Variants in HMGCS1 observed in about 807,000 individuals in gnomAD.
HMGCS1 encodes hydroxymethylglutaryl-CoA synthase, cytoplasmic.
A neutral mutation model predicts 52.3 loss-of-function variants in HMGCS1; 9 were observed. That is an observed-to-expected ratio of 0.17 (90% confidence interval 0.10 to 0.30). The LOEUF is 0.30. Among genes scored for constraint, HMGCS1 ranks in the 10% least tolerant of loss-of-function variants. HMGCS1 has a pLI of 1.00. For missense variants in HMGCS1, 320 were observed against 620.9 expected (o/e 0.52, Z 5.15); for synonymous variants, 176 against 214.4 (o/e 0.82, Z 1.57).
chr5:43,301,691 GA>G (rs1197036788), intron 2 of HMGCS1, among the ~76,000 whole-genome samples: 1 of 152,224 alleles, frequency 6.6e-6, no homozygotes, highest in African/African-American at 2.4e-5. Context: ...CTGGTGCTGT[GA>G]ATGGATGAGT....
intron 2 of HMGCS1, among the ~76,000 whole-genome samples, chr5:43,305,055 C>T (rs927604906): frequency 3.3e-5 from 5 of 151,160 alleles, no homozygotes; most frequent in Admixed American, 2.6e-4. Flanking sequence ...GGTGTGATCT[C>T]GGCTCACTGC....
At position 43,298,972 on chromosome 5, in the gene HMGCS1, A is replaced by G; in HGVS notation, c.-7T>C. On this transcript the variant is annotated 5_prime_UTR_variant, in exon 3 of 11. Transcript: ENST00000325110. The surrounding 1 kb of genome is among the most constrained non-coding windows in gnomAD (Gnocchi z 5.6). ...AAGGAAGTGATCCAGGCATGGTGAA[A>G]GAGCTTTAGAAAGGAGAAACAGAAA... 6.3e-7 allele frequency: 1 copy of G among 1,596,220 alleles called. No individual in the cohort carries two copies. Among genetic ancestry groups the G allele is most frequent in the Non-Finnish European group, 8.5e-7 (1 of 1,172,816 alleles).
In HMGCS1 at chr5:43,287,729, G is replaced by T. The variant is rs1324465262; in HGVS notation, c.*3402C>A. On this transcript the variant is annotated 3_prime_UTR_variant, in exon 11 of 11. Coordinates refer to ENST00000325110, the MANE Select transcript of HMGCS1 (RefSeq NM_001098272.3). ...GGCACCTAACTCCCCTGCACCTTTG[G>T]GCTGTGCAATTGGGAGTACCAAACA... 1 of 152,176 alleles carries T rather than the reference G, an allele frequency of 6.6e-6. No homozygotes were observed. The highest frequency in any genetic ancestry group is 1.5e-5 in the Non-Finnish European group (1 of 68,058). 9.4% of individuals were successfully genotyped at this position (152,176 alleles called of 1,614,324 possible).
At chr5:43,293,122 A>G in intron 8 of HMGCS1, 149 bp from the exon 9 acceptor site, 1 of 632,292 alleles carries the variant, frequency 1.6e-6, no homozygotes. Flanking sequence ...ATAAGATGAT[A>G]CCTATTTGAC....
At position 43,308,937 on chromosome 5, in the gene HMGCS1, AAAG is replaced by A. The variant is rs1186399935; in HGVS notation, c.-69-1116_-69-1114del. Among the ~76,000 whole-genome samples the A allele has an allele frequency of 2.6e-5, 4 of 152,290 alleles. 1 individual carries two copies. In the East Asian group the frequency reaches 5.8e-4, roughly 22 times the overall value. ...GAAATAGATCTTGAGTTTTGTAGGC[AAAG>A]AATACTACAATATTCCAAAAATGTC... On this transcript the variant is annotated intron_variant, in intron 1 of 10. Transcript: ENST00000325110.
chr5:43,298,284 G>T lies in HMGCS1; in HGVS notation c.449-150C>A. The T allele has an allele frequency of 1.3e-6, 1 of 752,320 alleles. No homozygotes were observed. The highest frequency in any genetic ancestry group is 2.1e-6 in the Non-Finnish European group (1 of 480,662). The allele number at this position is 752,320 out of a possible 1,614,324, so 46.6% of individuals were successfully genotyped here. On this transcript the variant is annotated intron_variant, in intron 3 of 10. Transcript: ENST00000325110. This position sits in a 1 kb window ranked among gnomAD's most constrained non-coding sequence, Gnocchi z 5.6. ...TCTAATTTTTTTTTAAAATTCATCT[G>T]CCAAGGCTCTGTCATCCATCTGACT... is the stretch of plus-strand genomic sequence containing the variant.
intron 5 of HMGCS1, 67 bp downstream of exon 5, chr5:43,296,935 A>G: frequency 8.0e-7 from 1 of 1,245,162 alleles, no homozygotes; most frequent in Non-Finnish European, 1.1e-6. Context: ...GTTGCCTACC[A>G]AAGATACCTA....
chr5:43,311,350 C>T lies in HMGCS1; in HGVS notation c.-70+2006G>A, dbSNP rs945519578. On this transcript the variant is annotated intron_variant, in intron 1 of 10. Coordinates refer to ENST00000325110, the MANE Select transcript of HMGCS1 (RefSeq NM_001098272.3). ...AAAAAAAAAAAAAAAAAAATCTAGT[C>T]CTATCATTAGGACAGGTAATATGTA... is the stretch of plus-strand genomic sequence containing the variant. Among the ~76,000 whole-genome samples, 2 of 151,890 alleles carry T rather than the reference C, an allele frequency of 1.3e-5. 1 individual carries two copies. Among genetic ancestry groups the T allele is most frequent in the South Asian group, 4.1e-4 (2 of 4,822 alleles).
chr5:43,291,987 C>CTTTTTTT (rs537398917), intron 10 of HMGCS1, among the ~76,000 whole-genome samples: 41 of 83,134 alleles, frequency 4.9e-4, no homozygotes, highest in East Asian at 9.6e-4. Context: ...ACTGTATATT[C>CTTTTTTT]TTTTTTTTTT....
At chr5:43,294,964 G>T in intron 6 of HMGCS1, 103 bp from the exon 7 acceptor site, 1 of 683,456 alleles carries the variant, frequency 1.5e-6, no homozygotes, top group Non-Finnish European at 2.3e-6. Flanking sequence ...GTATATAATT[G>T]TTTTCTCATT....
intron 2 of HMGCS1, among the ~76,000 whole-genome samples, chr5:43,307,321 C>T (rs1385791719): frequency 6.6e-6 from 1 of 152,066 alleles, no homozygotes; most frequent in Admixed American, 6.5e-5. Context: ...GATCCACCCG[C>T]CACAGCCTCC....
chr5:43,303,980 C>T (rs968487794), intron 2 of HMGCS1, among the ~76,000 whole-genome samples: 44 of 152,338 alleles, frequency 2.9e-4, no homozygotes, highest in African/African-American at 1.1e-3. Flanking sequence ...CTACATCCAT[C>T]CTCACTCTGA....
Position 43,298,348 on chromosome 5 carries a change from A to C in HMGCS1, c.448+170T>G, listed in dbSNP as rs1354847568. 6 of 660,672 alleles carry C rather than the reference A, an allele frequency of 9.1e-6. No homozygotes were observed. The highest frequency in any genetic ancestry group is 1.5e-5 in the Non-Finnish European group (6 of 392,938). The allele number at this position is 660,672 out of a possible 1,614,324, so 40.9% of individuals were successfully genotyped here. ...ACCATTTGTCCTACAAGATAAGATAACCAATTCACAATTCGGATAATGACA... is the reference window on the plus strand; with the variant it reads ...ACCATTTGTCCTACAAGATAAGATACCCAATTCACAATTCGGATAATGACA... On this transcript the variant is annotated intron_variant, in intron 3 of 10. Coordinates refer to ENST00000325110, the MANE Select transcript of HMGCS1 (RefSeq NM_001098272.3). The surrounding 1 kb of genome is among the most constrained non-coding windows in gnomAD (Gnocchi z 5.6).
intron 1 of HMGCS1, among the ~76,000 whole-genome samples, chr5:43,308,891 C>T (rs113545350): frequency 2.1e-3 from 325 of 152,234 alleles, no homozygotes; most frequent in African/African-American, 7.3e-3. Flanking sequence ...TACCCACCTA[C>T]GCCCCCCTGC....
chr5:43,299,281 AG>A (rs1291248953), intron 2 of HMGCS1, among the ~76,000 whole-genome samples: 2 of 152,234 alleles, frequency 1.3e-5, no homozygotes, highest in Non-Finnish European at 2.9e-5. Flanking sequence ...TACATTGTAA[AG>A]AACTGTAAGA....
Position 43,294,070 on chromosome 5 carries a change from T to C in HMGCS1, c.1169A>G (p.Gln390Arg), listed in dbSNP as rs376015760. 26 of 1,602,464 alleles carry C rather than the reference T, an allele frequency of 1.6e-5. No individual in the cohort carries two copies. Among genetic ancestry groups the C allele is most frequent in the Non-Finnish European group, 2.0e-5 (23 of 1,169,420 alleles). Residue 390 changes from glutamine (Q) to arginine (R), a missense_variant, in exon 8 of 11, where the codon CAA becomes CGA. Gln to Arg is a conservative substitution (Grantham distance 43). Coordinates refer to ENST00000325110, the MANE Select transcript of HMGCS1 (RefSeq NM_001098272.3). ...AATLYSLKVT[Q>R]DATPGSALDK... ...TCAGCACTTACCCGGTGTAGCATCTTGTGTGACTTTAAGAGAGTACAGAGT... is the reference window on the plus strand; with the variant it reads ...TCAGCACTTACCCGGTGTAGCATCTCGTGTGACTTTAAGAGAGTACAGAGT...
At chr5:43,302,261 A>G (rs1027192610) in intron 2 of HMGCS1, among the ~76,000 whole-genome samples, 4 of 152,176 alleles carry the variant, frequency 2.6e-5, no homozygotes, top group African/African-American at 9.7e-5. Context: ...GCTAAATACT[A>G]CCCAATCTTT....
intron 5 of HMGCS1, among the ~76,000 whole-genome samples, chr5:43,296,374 C>A (rs1303518181): frequency 1.3e-5 from 2 of 152,164 alleles, no homozygotes; most frequent in African/African-American, 4.8e-5. Context: ...TTAATATATA[C>A]TGCAAGAATG....
At chr5:43,311,704 C>T (rs1754880655) in intron 1 of HMGCS1, among the ~76,000 whole-genome samples, 1 of 152,022 alleles carries the variant, frequency 6.6e-6, no homozygotes, top group Non-Finnish European at 1.5e-5. Context: ...AAAATCAATC[C>T]ACAGTTAAAA....
Sources: allele counts gnomAD v4.1 joint callset (sites outside exome capture counted in the v4.1 genomes callset), GRCh38; gene constraint gnomAD v4.1.1; non-coding constraint Gnocchi (gnomAD v3.1); transcripts MANE v1.5; gene names NCBI Gene and HGNC (gene_info 2026-07-23, HGNC 2026-07-21).